The following PSD3 variants were observed in gnomAD, a reference collection of about 807,000 sequenced individuals.
PSD3 encodes PH and SEC7 domain-containing protein 3.
Under a neutral mutation model 105.5 loss-of-function variants are expected in PSD3, and 49 were observed. The observed-to-expected ratio is 0.46, with a 90% CI of 0.37 to 0.59. PSD3 has a LOEUF of 0.59. PSD3 is among the 20% of genes least tolerant of loss of function. The pLI, the probability that PSD3 is intolerant of heterozygous loss-of-function variation, is 0.00. For synonymous variants in PSD3, 557 were observed against 457.8 expected (o/e 1.22, Z -2.77); for missense variants, 1,561 against 1,263.8 (o/e 1.24, Z -3.57).
At chr8:19,025,871 G>A (rs1453088000) in intron 1 of PSD3, among the ~76,000 whole-genome samples, 2 of 152,134 alleles carry the variant, frequency 1.3e-5, no homozygotes, top group Non-Finnish European at 2.9e-5. Flanking sequence ...TTTTACCATG[G>A]TGTGTTAGTC....
chr8:18,655,604 T>C (rs1217557201), intron 10 of PSD3, 38 bp downstream of exon 10: 2 of 1,588,728 alleles, frequency 1.3e-6, no homozygotes, highest in Admixed American at 1.7e-5. Context: ...AAAAAGTGAG[T>C]AGTTCATTAT....
At chr8:18,613,466 G>T (rs146699171) in intron 11 of PSD3, among the ~76,000 whole-genome samples, 4 of 152,038 alleles carry the variant, frequency 2.6e-5, no homozygotes, top group Non-Finnish European at 4.4e-5. Context: ...TTTCATTTCT[G>T]CCTAATAAAT....
chr8:18,820,646 T>C (rs961382466), intron 4 of PSD3, among the ~76,000 whole-genome samples: 1 of 133,730 alleles, frequency 7.5e-6, no homozygotes, highest in African/African-American at 2.5e-5. Context: ...GATGCAACCA[T>C]TTCTTTTTTT....
chr8:19,076,009 C>G (rs1250801492), intron 1 of PSD3, among the ~76,000 whole-genome samples: 1 of 152,064 alleles, frequency 6.6e-6, no homozygotes, highest in Non-Finnish European at 1.5e-5. Context: ...GCTACGAACA[C>G]AAGGCAACCT....
At chr8:18,678,009 C>CAAA (rs11404371) in intron 9 of PSD3, among the ~76,000 whole-genome samples, 48 of 134,734 alleles carry the variant, frequency 3.6e-4, no homozygotes, top group African/African-American at 1.1e-3. Flanking sequence ...GACTCTGTCT[C>CAAA]AAAAAAAAAA....
At chr8:19,039,163 C>A (rs1368961794) in intron 1 of PSD3, among the ~76,000 whole-genome samples, 1 of 152,190 alleles carries the variant, frequency 6.6e-6, no homozygotes, top group Non-Finnish European at 1.5e-5. Flanking sequence ...CCATGGGAAT[C>A]CTTTTTTCTC....
At chr8:18,820,609 G>C (rs1812615318) in intron 4 of PSD3, among the ~76,000 whole-genome samples, 1 of 151,800 alleles carries the variant, frequency 6.6e-6, no homozygotes. Flanking sequence ...ATAATGACAA[G>C]AAAAAAATAC....
intron 9 of PSD3, among the ~76,000 whole-genome samples, chr8:18,661,149 T>C (rs754665578): frequency 6.6e-6 from 1 of 152,194 alleles, no homozygotes; most frequent in Non-Finnish European, 1.5e-5. Flanking sequence ...TGTATTTTAG[T>C]TCAATCATCT....
intron 1 of PSD3, among the ~76,000 whole-genome samples, chr8:18,965,397 C>T (rs1335091379): frequency 6.6e-6 from 1 of 152,214 alleles, no homozygotes; most frequent in Non-Finnish European, 1.5e-5. Flanking sequence ...AGCGTCCCCT[C>T]TATGGAGCCA....
chr8:18,727,551 AACACACACACACAC>A (rs56410753), intron 9 of PSD3, among the ~76,000 whole-genome samples: 4 of 137,628 alleles, frequency 2.9e-5, no homozygotes, highest in Admixed American at 7.5e-5. Context: ...AAAAAATCCA[AACACACACACACAC>A]ACACACACAC....
chr8:18,683,334 G>C (rs1003117524), intron 9 of PSD3, among the ~76,000 whole-genome samples: 1 of 152,164 alleles, frequency 6.6e-6, no homozygotes, highest in African/African-American at 2.4e-5. Flanking sequence ...TCCACAGACT[G>C]GGGGCTGGGG....
chr8:18,676,415 C>T (rs1800067319), intron 9 of PSD3, among the ~76,000 whole-genome samples: 1 of 152,184 alleles, frequency 6.6e-6, no homozygotes, highest in Non-Finnish European at 1.5e-5. Context: ...AAACCCACAC[C>T]TCTACCACCT....
intron 10 of PSD3, among the ~76,000 whole-genome samples, chr8:18,647,253 C>T (rs1808105712): frequency 6.6e-6 from 1 of 152,198 alleles, no homozygotes; most frequent in African/African-American, 2.4e-5. Context: ...TAAAACCACA[C>T]TTTCTAAAGC....
Position 18,802,504 on chromosome 8 carries a change from C to G in PSD3, c.1911-1122G>C, listed in dbSNP as rs189958671. Among the ~76,000 whole-genome samples, 523 of 152,244 alleles carry G rather than the reference C, an allele frequency of 3.4e-3. 11 individuals carry two copies. The highest frequency in any genetic ancestry group is 0.032 in the Admixed American group (490 of 15,282). On this transcript the variant is annotated intron_variant, in intron 6 of 15. Transcript: ENST00000327040. ...TTAAGATTAACAAACTATATATTGACAAAACTTTAATTTTTCATAACTTTA... is the reference window on the plus strand; with the variant it reads ...TTAAGATTAACAAACTATATATTGAGAAAACTTTAATTTTTCATAACTTTA...
chr8:18,720,419 A>G (rs1431396004), intron 9 of PSD3, among the ~76,000 whole-genome samples: 1 of 152,182 alleles, frequency 6.6e-6, no homozygotes, highest in East Asian at 1.9e-4. Flanking sequence ...AATTTTATTA[A>G]GTCAAGGATG....
chr8:18,559,043 C>T (rs947153054), intron 14 of PSD3, among the ~76,000 whole-genome samples: 1 of 152,178 alleles, frequency 6.6e-6, no homozygotes, highest in South Asian at 2.1e-4. Context: ...TTTCAGGTTT[C>T]CTGTTGTGGG....
Position 18,815,531 on chromosome 8 carries a change from G to A in PSD3, c.1635-10633C>T, listed in dbSNP as rs376454905. On this transcript the variant is annotated intron_variant, in intron 4 of 15. Transcript: ENST00000327040. ...TCACCATGTTGGCCAGGCTGGTCTC[G>A]AACTCCTGGCCTCAAGTGATCTCTC... 3.4e-3 allele frequency among the ~76,000 whole-genome samples: 523 copies of A among 152,110 alleles called. 7 individuals carry two copies. Among genetic ancestry groups the A allele is most frequent in the African/African-American group, 0.012 (504 of 41,484 alleles).
intron 10 of PSD3, among the ~76,000 whole-genome samples, chr8:18,634,132 G>A (rs1807089577): frequency 6.6e-6 from 1 of 151,826 alleles, no homozygotes; most frequent in Non-Finnish European, 1.5e-5. Context: ...TTTGCTTGTT[G>A]AATTGTTTAG....
At chr8:19,046,346 G>A (rs571128280) in intron 1 of PSD3, among the ~76,000 whole-genome samples, 37 of 151,934 alleles carry the variant, frequency 2.4e-4, no homozygotes, top group South Asian at 4.2e-4. Context: ...TCCTGACCTC[G>A]TGATCTGCCC....
Sources: allele counts gnomAD v4.1 joint callset (sites outside exome capture counted in the v4.1 genomes callset), GRCh38; gene constraint gnomAD v4.1.1; transcripts MANE v1.5; gene names NCBI Gene and HGNC (gene_info 2026-07-23, HGNC 2026-07-21).